The following DLGAP1 variants were observed in gnomAD, a reference collection of about 807,000 sequenced individuals.
DLGAP1 encodes the protein DLG associated protein 1.
Under a neutral mutation model 90.8 loss-of-function variants are expected in DLGAP1, and 11 were observed. That is an observed-to-expected ratio of 0.12 (90% CI 0.08 to 0.20). The LOEUF is 0.20. DLGAP1 is among the 10% of genes least tolerant of loss of function. The pLI is 1.00. For synonymous variants in DLGAP1, 558 were observed against 540.7 expected (o/e 1.03, Z -0.44); for missense variants, 1,050 against 1,333.8 (o/e 0.79, Z 3.31).
intron 3 of DLGAP1, among the ~76,000 whole-genome samples, chr18:3,950,107 G>A (rs531970173): frequency 4.6e-5 from 7 of 152,068 alleles, no homozygotes; most frequent in Non-Finnish European, 1.0e-4. Context: ...TAGGCTCTTT[G>A]CCTATTGGAT....
chr18:3,942,453 G>C (rs2148950463), intron 3 of DLGAP1, among the ~76,000 whole-genome samples: 2 of 152,322 alleles, frequency 1.3e-5, no homozygotes, highest in South Asian at 4.1e-4. Flanking sequence ...ACGTTTTCCA[G>C]GTCCTGGTGA....
chr18:4,036,136 T>C (rs1598280343), intron 2 of DLGAP1, among the ~76,000 whole-genome samples: 1 of 152,172 alleles, frequency 6.6e-6, no homozygotes, highest in African/African-American at 2.4e-5. Flanking sequence ...CTTTTAATGA[T>C]GTTTATTAAG....
intron 1 of DLGAP1, among the ~76,000 whole-genome samples, chr18:4,232,472 T>C (rs1341690197): frequency 1.3e-5 from 2 of 152,188 alleles, no homozygotes; most frequent in Non-Finnish European, 2.9e-5. Context: ...AATAGTCTAA[T>C]GGCTGATGTA....
At chr18:3,874,268 T>C in intron 4 of DLGAP1, 1 of 1,549,750 alleles carries the variant, frequency 6.5e-7, no homozygotes, top group Non-Finnish European at 8.7e-7. Context: ...GTGCTTTCCT[T>C]CTCGGTCTGT....
intron 3 of DLGAP1, among the ~76,000 whole-genome samples, chr18:3,914,146 T>G (rs1172587310): frequency 6.6e-6 from 1 of 152,206 alleles, no homozygotes; most frequent in African/African-American, 2.4e-5. Flanking sequence ...TGCTGTACAG[T>G]AGGTTGCAGA....
chr18:3,766,766 T>A (rs1172067746), intron 5 of DLGAP1, among the ~76,000 whole-genome samples: 1 of 151,976 alleles, frequency 6.6e-6, no homozygotes, highest in Non-Finnish European at 1.5e-5. Context: ...ACAAATACAC[T>A]GAACTGGAGG....
chr18:4,252,435 G>C (rs868011671), intron 1 of DLGAP1, among the ~76,000 whole-genome samples: 2 of 152,202 alleles, frequency 1.3e-5, no homozygotes, highest in Non-Finnish European at 2.9e-5. Context: ...AGTATTTGAA[G>C]TTGAGGTAGG....
chr18:3,664,173 T>C (rs1032856434), intron 7 of DLGAP1, among the ~76,000 whole-genome samples: 40 of 147,686 alleles, frequency 2.7e-4, no homozygotes, highest in Non-Finnish European at 1.2e-4. Context: ...TCCATAATTA[T>C]GGGTCAGTAT....
At chr18:3,533,681 C>G (rs996005911) in intron 10 of DLGAP1, among the ~76,000 whole-genome samples, 2 of 152,134 alleles carry the variant, frequency 1.3e-5, no homozygotes, top group African/African-American at 2.4e-5. Flanking sequence ...CTCAAGTGAT[C>G]CTTCCACCTC....
At chr18:4,232,167 C>T (rs2078313128) in intron 1 of DLGAP1, among the ~76,000 whole-genome samples, 1 of 152,064 alleles carries the variant, frequency 6.6e-6, no homozygotes, top group Admixed American at 6.6e-5. Flanking sequence ...CAAACTATCC[C>T]AAGAATTCCC....
At chr18:3,822,868 G>A (rs1350978148) in intron 4 of DLGAP1, among the ~76,000 whole-genome samples, 1 of 152,138 alleles carries the variant, frequency 6.6e-6, no homozygotes, top group Non-Finnish European at 1.5e-5. Flanking sequence ...CTAAGATGCT[G>A]GGTGTGGTAG....
At chr18:4,418,667 T>C (rs908690709) in intron 1 of DLGAP1, among the ~76,000 whole-genome samples, 5 of 151,630 alleles carry the variant, frequency 3.3e-5, no homozygotes, top group African/African-American at 1.2e-4. Context: ...TAGAAATATA[T>C]AGAGAAAAAT....
At chr18:4,423,694 C>G (rs969868554) in intron 1 of DLGAP1, among the ~76,000 whole-genome samples, 2 of 151,810 alleles carry the variant, frequency 1.3e-5, no homozygotes. Context: ...TAACACATAC[C>G]TAATTATGAG....
In DLGAP1 at chr18:4,358,067, A is replaced by G. The variant is rs188350891; in HGVS notation, c.-267+96939T>C. On this transcript the variant is annotated intron_variant, in intron 1 of 12. Transcript: ENST00000315677. ...ACAGAGAGCATAAACCGTTCACTCAACAAATCTTTACAAAAGGCCTACTGG... is the reference window on the plus strand; with the variant it reads ...ACAGAGAGCATAAACCGTTCACTCAGCAAATCTTTACAAAAGGCCTACTGG... Among the ~76,000 whole-genome samples, 114 of 152,368 alleles carry G rather than the reference A, an allele frequency of 7.5e-4. 1 individual carries two copies. Among genetic ancestry groups the G allele is most frequent in the African/African-American group, 2.2e-3 (92 of 41,588 alleles).
At chr18:4,113,915 G>T (rs1043038456) in intron 2 of DLGAP1, among the ~76,000 whole-genome samples, 3 of 152,064 alleles carry the variant, frequency 2.0e-5, no homozygotes, top group Non-Finnish European at 2.9e-5. Flanking sequence ...AAGATCAGAT[G>T]TCTGTAGCTC....
intron 7 of DLGAP1, among the ~76,000 whole-genome samples, chr18:3,641,584 TATACAC>T (rs1337708488): frequency 8.0e-6 from 1 of 125,172 alleles, no homozygotes; most frequent in Non-Finnish European, 1.6e-5. Context: ...CACATATATA[TATACAC>T]ACACACACAC....
At chr18:4,369,962 T>C (rs1040942156) in intron 1 of DLGAP1, among the ~76,000 whole-genome samples, 16 of 151,814 alleles carry the variant, frequency 1.1e-4, no homozygotes, top group African/African-American at 3.9e-4. Flanking sequence ...ACGGTTATGA[T>C]CGCATTGCTG....
At chr18:3,866,774 G>A (rs2070410697) in intron 4 of DLGAP1, among the ~76,000 whole-genome samples, 2 of 152,172 alleles carry the variant, frequency 1.3e-5, no homozygotes, top group South Asian at 4.1e-4. Context: ...CCACCAGAGT[G>A]GAAAGGGCAG....
chr18:4,048,627 AC>A (rs2075089672), intron 2 of DLGAP1, among the ~76,000 whole-genome samples: 1 of 152,194 alleles, frequency 6.6e-6, no homozygotes, highest in African/African-American at 2.4e-5. Flanking sequence ...GAAAACTGTG[AC>A]CTGACCAACT....
Sources: allele counts gnomAD v4.1 joint callset (sites outside exome capture counted in the v4.1 genomes callset), GRCh38; gene constraint gnomAD v4.1.1; transcripts MANE v1.5; gene names NCBI Gene and HGNC (gene_info 2026-07-23, HGNC 2026-07-21).